The following LRBA variants were observed in gnomAD, a reference collection of about 807,000 sequenced individuals.
LRBA encodes the protein lipopolysaccharide-responsive and beige-like anchor protein.
LRBA carries 176 observed loss-of-function variants against 330.0 expected under a neutral mutation model. The ratio of observed to expected loss-of-function variants is 0.53; its 90% CI spans 0.47 to 0.60. The LOEUF is 0.60. Among genes scored for constraint, LRBA ranks in the 20% least tolerant of loss-of-function variants. LRBA has a pLI of 0.00. For synonymous variants in LRBA, 1,230 were observed against 1,193.0 expected (o/e 1.03, Z -0.64); for missense variants, 3,259 against 3,444.8 (o/e 0.95, Z 1.35).
At position 150,583,151 on chromosome 4, in the gene LRBA, T is replaced by C. The variant is rs1460608357; in HGVS notation, c.6330+4897A>G. The C allele has an allele frequency of 1.2e-6, 2 of 1,614,116 alleles. No individual in the cohort carries two copies. The highest frequency in any genetic ancestry group is 1.7e-6 in the Non-Finnish European group (2 of 1,180,042). ...GAGGTCTGTAAGGTGGTCTCGGACG[T>C]GCTCAAGGAAGTGGAGGTGCAGGAG... On this transcript the variant is annotated intron_variant, in intron 40 of 56. Coordinates refer to ENST00000651943, the MANE Select transcript of LRBA (RefSeq NM_001364905.1). The surrounding 1 kb of genome is among the most constrained non-coding windows in gnomAD (Gnocchi z 9.8).
intron 4 of LRBA, among the ~76,000 whole-genome samples, chr4:150,924,380 G>A (rs1418887050): frequency 1.3e-5 from 2 of 152,096 alleles, no homozygotes; most frequent in Non-Finnish European, 2.9e-5. Flanking sequence ...AAGAATGGTG[G>A]CAAGTGCCTG....
intron 47 of LRBA, among the ~76,000 whole-genome samples, chr4:150,391,928 TA>T: frequency 1.1e-5 from 1 of 89,046 alleles, no homozygotes; most frequent in South Asian, 3.6e-4. Flanking sequence ...CTGAGTAACA[TA>T]AAAATCCTAA....
intron 34 of LRBA, among the ~76,000 whole-genome samples, chr4:150,794,791 T>C (rs1184075739): frequency 1.3e-5 from 2 of 152,152 alleles, no homozygotes; most frequent in African/African-American, 4.8e-5. Flanking sequence ...ATGGTGCTTC[T>C]AGTTTTTCTA....
At chr4:150,274,040 A>C (rs1391941410) in intron 56 of LRBA, among the ~76,000 whole-genome samples, 1 of 152,178 alleles carries the variant, frequency 6.6e-6, no homozygotes, top group Non-Finnish European at 1.5e-5. Flanking sequence ...TTATTCTAAA[A>C]TTGACCACAT....
At chr4:150,503,006 G>A (rs962382540) in intron 40 of LRBA, among the ~76,000 whole-genome samples, 2 of 152,206 alleles carry the variant, frequency 1.3e-5, no homozygotes, top group African/African-American at 4.8e-5. Flanking sequence ...GGCTGGGGGA[G>A]GGGTGCCCAA....
intron 47 of LRBA, among the ~76,000 whole-genome samples, chr4:150,388,627 T>C (rs570693588): frequency 2.6e-5 from 4 of 152,078 alleles, no homozygotes; most frequent in African/African-American, 7.2e-5. Context: ...ATAGAAGAAG[T>C]AGGAAATTGT....
chr4:150,951,213 T>C (rs1736796357), intron 2 of LRBA, among the ~76,000 whole-genome samples: 2 of 152,150 alleles, frequency 1.3e-5, no homozygotes, highest in South Asian at 2.1e-4. Context: ...TAAGATTCTA[T>C]CTCTTACAAT....
chr4:150,741,147 A>C lies in LRBA; in HGVS notation c.5646-5781T>G, dbSNP rs141930355. Among the ~76,000 whole-genome samples the C allele has an allele frequency of 3.5e-3, 532 of 152,272 alleles. 1 individual carries two copies. Among genetic ancestry groups the C allele is most frequent in the African/African-American group, 0.012 (492 of 41,570 alleles). ...ACCAAACAAAAATACACAAAACATA[A>C]GAAAAATAGTGACAAAATGAACTAC... On this transcript the variant is annotated intron_variant, in intron 35 of 56. Coordinates refer to ENST00000651943, the MANE Select transcript of LRBA (RefSeq NM_001364905.1).
chr4:150,534,024 T>A (rs1764345326), intron 40 of LRBA, among the ~76,000 whole-genome samples: 1 of 152,194 alleles, frequency 6.6e-6, no homozygotes, highest in Admixed American at 6.5e-5. Flanking sequence ...CTTTTCCTGT[T>A]GTTCAGGATG....
At chr4:150,809,911 ATAC>A (rs1560850296) in intron 31 of LRBA, among the ~76,000 whole-genome samples, 13 of 140,866 alleles carry the variant, frequency 9.2e-5, no homozygotes, top group African/African-American at 3.4e-4. Context: ...ATACGATACG[ATAC>A]GATACGATAC....
rs1363333710 is a variant in LRBA at position 150,849,466 on chromosome 4, A to C, written c.4114T>G (p.Cys1372Gly). The change falls in exon 25 of 57, where the codon TGT becomes GGT. Residue 1372 changes from cysteine to glycine, a missense_variant. Cys to Gly is a radical substitution (Grantham distance 159). Transcript: ENST00000651943. Reference sequence around the variant, plus strand: ...GAAAGCAATGGCAGTATACCCCCACAAGCCATGACCATATTGTCCATCACT... The same window carrying C: ...GAAAGCAATGGCAGTATACCCCCACCAGCCATGACCATATTGTCCATCACT... ...SQVMDNMVMA[C>G]GGILPLLSAA... 1 of 1,613,908 alleles carries C rather than the reference A, an allele frequency of 6.2e-7. No individual in the cohort carries two copies. The highest frequency in any genetic ancestry group is 1.7e-5 in the Admixed American group (1 of 60,026).
chr4:150,437,915 C>T (rs1751332870), intron 44 of LRBA, among the ~76,000 whole-genome samples: 1 of 152,140 alleles, frequency 6.6e-6, no homozygotes, highest in Non-Finnish European at 1.5e-5. Context: ...ATTGCTACTG[C>T]TGTTGTCATT....
intron 37 of LRBA, among the ~76,000 whole-genome samples, chr4:150,622,891 G>C (rs914868968): frequency 6.6e-6 from 1 of 151,986 alleles, no homozygotes; most frequent in Non-Finnish European, 1.5e-5. Context: ...TAGAGATGGG[G>C]TTTCACCGTG....
At chr4:150,993,826 A>G (rs1742357577) in intron 2 of LRBA, among the ~76,000 whole-genome samples, 1 of 152,038 alleles carries the variant, frequency 6.6e-6, no homozygotes. Flanking sequence ...CCCACAACAC[A>G]TGGGAATTAT....
intron 36 of LRBA, among the ~76,000 whole-genome samples, chr4:150,732,303 G>C (rs1730554247): frequency 1.3e-5 from 2 of 151,810 alleles, no homozygotes; most frequent in Non-Finnish European, 2.9e-5. Context: ...CACAAAAATA[G>C]GATTACTCGG....
At chr4:150,385,381 G>A (rs568303904) in intron 47 of LRBA, among the ~76,000 whole-genome samples, 50 of 152,026 alleles carry the variant, frequency 3.3e-4, no homozygotes, top group Non-Finnish European at 5.1e-4. Flanking sequence ...AAATAAACTC[G>A]TTTTTTAGTT....
chr4:150,795,925 C>T (rs1217322528), intron 34 of LRBA, among the ~76,000 whole-genome samples: 1 of 151,876 alleles, frequency 6.6e-6, no homozygotes, highest in Non-Finnish European at 1.5e-5. Flanking sequence ...CAGAGCATGG[C>T]TGATTGTCAT....
chr4:150,405,837 T>C (rs1269167765), intron 47 of LRBA, among the ~76,000 whole-genome samples: 1 of 152,070 alleles, frequency 6.6e-6, no homozygotes, highest in Non-Finnish European at 1.5e-5. Context: ...AGAGGATTGC[T>C]TGAGGTCAGG....
chr4:150,299,764 T>C (rs950593093), intron 53 of LRBA, among the ~76,000 whole-genome samples: 3 of 151,938 alleles, frequency 2.0e-5, no homozygotes, highest in Non-Finnish European at 4.4e-5. Context: ...GAAAAAGCAA[T>C]AACCTGGTTT....
Sources: allele counts gnomAD v4.1 joint callset (sites outside exome capture counted in the v4.1 genomes callset), GRCh38; gene constraint gnomAD v4.1.1; non-coding constraint Gnocchi (gnomAD v3.1); transcripts MANE v1.5; gene names NCBI Gene and HGNC (gene_info 2026-07-23, HGNC 2026-07-21).